Variants in HS3ST4 observed in about 807,000 individuals in gnomAD.
HS3ST4 encodes heparan sulfate-glucosamine 3-sulfotransferase 4.
A neutral mutation model predicts 29.2 loss-of-function variants in HS3ST4; 17 were observed. The observed-to-expected ratio is 0.58, with a 90% CI of 0.40 to 0.87. HS3ST4 has a LOEUF of 0.87. HS3ST4 is among the 40% of genes least tolerant of loss of function. HS3ST4 has a pLI of 0.00. For missense variants in HS3ST4, 627 were observed against 634.5 expected, an observed-to-expected ratio of 0.99 and a Z score of 0.13; for synonymous variants, 314 against 285.7, an observed-to-expected ratio of 1.10 and a Z score of -1.00.
chr16:25,812,054 T>C (rs1967047159), intron 1 of HS3ST4, among the ~76,000 whole-genome samples: 1 of 152,178 alleles, frequency 6.6e-6, no homozygotes, highest in Non-Finnish European at 1.5e-5. Context: ...GTTTTCTTTA[T>C]GCGGTCTACT....
chr16:25,837,192 A>G (rs1359748087), intron 1 of HS3ST4, among the ~76,000 whole-genome samples: 44 of 152,198 alleles, frequency 2.9e-4, no homozygotes, highest in Non-Finnish European at 1.5e-5. Context: ...GCAGACGATC[A>G]TTGTGTCAAA....
At chr16:26,080,743 A>G (rs1898714577) in intron 1 of HS3ST4, among the ~76,000 whole-genome samples, 1 of 152,022 alleles carries the variant, frequency 6.6e-6, no homozygotes, top group African/African-American at 2.4e-5. Flanking sequence ...ACTCTAAGGT[A>G]CCTCCATTTT....
At chr16:25,848,660 G>A (rs1967489593) in intron 1 of HS3ST4, among the ~76,000 whole-genome samples, 1 of 151,968 alleles carries the variant, frequency 6.6e-6, no homozygotes, top group Non-Finnish European at 1.5e-5. Flanking sequence ...TTCTTGCCAG[G>A]TCTTACAGAA....
At chr16:25,803,096 C>CATAT (rs151300260) in intron 1 of HS3ST4, among the ~76,000 whole-genome samples, 7 of 151,144 alleles carry the variant, frequency 4.6e-5, no homozygotes, top group Non-Finnish European at 4.4e-5. Flanking sequence ...TCTTTTCTCA[C>CATAT]ATATATATAT....
chr16:25,699,521 T>C (rs1222248581), intron 1 of HS3ST4, among the ~76,000 whole-genome samples: 1 of 152,244 alleles, frequency 6.6e-6, no homozygotes, highest in Non-Finnish European at 1.5e-5. Flanking sequence ...CTCAGTCGTA[T>C]TAAGATCTTA....
intron 1 of HS3ST4, among the ~76,000 whole-genome samples, chr16:25,828,332 CTCTCTCTT>C (rs1967256366): frequency 2.2e-5 from 3 of 135,468 alleles, no homozygotes; most frequent in African/African-American, 8.6e-5. Context: ...CTCTCTCTCT[CTCTCTCTT>C]TCTCCCTTTC....
intron 1 of HS3ST4, among the ~76,000 whole-genome samples, chr16:25,861,825 A>G (rs1967640396): frequency 6.6e-6 from 1 of 152,220 alleles, no homozygotes; most frequent in African/African-American, 2.4e-5. Context: ...TGAAATTTAC[A>G]TGAGCAAAGT....
At chr16:25,772,885 G>A (rs1424615626) in intron 1 of HS3ST4, among the ~76,000 whole-genome samples, 6 of 152,296 alleles carry the variant, frequency 3.9e-5, no homozygotes, top group African/African-American at 1.2e-4. Flanking sequence ...AAACGGCCAT[G>A]GCAGGGTAGG....
At chr16:25,781,466 G>A (rs1043329754) in intron 1 of HS3ST4, among the ~76,000 whole-genome samples, 1 of 152,086 alleles carries the variant, frequency 6.6e-6, no homozygotes, top group African/African-American at 2.4e-5. Context: ...TTCTACCGAG[G>A]TTTCGATTCT....
intron 1 of HS3ST4, among the ~76,000 whole-genome samples, chr16:25,827,545 A>AC (rs1555467510): frequency 0.047 from 7,165 of 151,248 alleles, 342 homozygotes; most frequent in African/African-American, 0.12. Context: ...AAAAAAAAAA[A>AC]AACAACAACA....
At chr16:25,934,552 T>G (rs998450449) in intron 1 of HS3ST4, among the ~76,000 whole-genome samples, 18 of 152,222 alleles carry the variant, frequency 1.2e-4, no homozygotes, top group African/African-American at 4.3e-4. Flanking sequence ...GGTGCTTTTC[T>G]GCTGAAGCCT....
intron 1 of HS3ST4, among the ~76,000 whole-genome samples, chr16:25,773,230 C>T (rs1358248265): frequency 2.6e-5 from 4 of 152,166 alleles, no homozygotes; most frequent in Non-Finnish European, 4.4e-5. Context: ...CAAATGTCTC[C>T]GTTCAGTTCA....
intron 1 of HS3ST4, among the ~76,000 whole-genome samples, chr16:26,039,824 A>G (rs1969619223): frequency 1.3e-5 from 2 of 152,030 alleles, no homozygotes; most frequent in South Asian, 2.1e-4. Context: ...ATACCTGTAT[A>G]TATTCTCCAT....
chr16:26,118,693 C>T (rs974856685), intron 1 of HS3ST4, among the ~76,000 whole-genome samples: 8 of 151,992 alleles, frequency 5.3e-5, no homozygotes, highest in Non-Finnish European at 1.0e-4. Flanking sequence ...CAAGGAGGAG[C>T]CAGCTGTACA....
Position 25,692,888 on chromosome 16 carries a change from G to C in HS3ST4, c.471G>C (p.Pro157=), listed in dbSNP as rs754908521. Residue 157 remains proline, a synonymous_variant, in exon 1 of 2, where the codon CCG becomes CCC. Coordinates refer to ENST00000331351, the MANE Select transcript of HS3ST4 (RefSeq NM_006040.3). ...SEMITAQSAL[P]EREAQESSTT... The stretch of plus-strand genomic sequence containing the variant: ...TGATCACGGCTCAGAGCGCGCTGCC[G>C]GAGAGGGAAGCGCAGGAGTCCAGCA... 6.4e-7 allele frequency: 1 copy of C among 1,565,394 alleles called. No homozygotes were observed. The highest frequency in any genetic ancestry group is 1.4e-5 in the African/African-American group (1 of 73,198).
At chr16:26,008,794 G>A (rs530999581) in intron 1 of HS3ST4, among the ~76,000 whole-genome samples, 4 of 152,322 alleles carry the variant, frequency 2.6e-5, no homozygotes, top group Non-Finnish European at 4.4e-5. Context: ...ACTCCAGCCT[G>A]GGCGATAGAG....
intron 1 of HS3ST4, among the ~76,000 whole-genome samples, chr16:25,746,016 A>G (rs1966683116): frequency 6.6e-6 from 1 of 152,140 alleles, no homozygotes; most frequent in Non-Finnish European, 1.5e-5. Flanking sequence ...GCATAGATTT[A>G]CCTTCTATTG....
chr16:25,933,351 A>G (rs775019636), intron 1 of HS3ST4: 8 of 515,504 alleles, frequency 1.6e-5, no homozygotes, highest in Non-Finnish European at 2.7e-5. Context: ...CCTGGTGATA[A>G]TTGGTTCCCA....
rs1567320817 is a variant in HS3ST4, at chr16:26,136,260, C to CA, written c.*13dup. On this transcript the variant is annotated 3_prime_UTR_variant, in exon 2 of 2. Coordinates refer to ENST00000331351, the MANE Select transcript of HS3ST4 (RefSeq NM_006040.3). ...AGGGTGATAAATGAGGCTAGAGAGGCAGAGGAAGGCTAGTCAATAAGCTAA... is the reference window on the plus strand; with the variant it reads ...AGGGTGATAAATGAGGCTAGAGAGGCAAGAGGAAGGCTAGTCAATAAGCTAA... 4 of 1,602,782 alleles carry CA rather than the reference C, an allele frequency of 2.5e-6. No individual in the cohort carries two copies. Among genetic ancestry groups the CA allele is most frequent in the Non-Finnish European group, 2.6e-6 (3 of 1,175,712 alleles).
Sources: gnomAD v4.1 joint callset for allele counts (sites outside exome capture counted in the v4.1 genomes callset) on GRCh38, gnomAD v4.1.1 for gene constraint, MANE v1.5 for transcripts, NCBI Gene and HGNC (gene_info 2026-07-23, HGNC 2026-07-21) for gene names.